FAM168A: variants seen among roughly 807,000 people sequenced by gnomAD.
FAM168A encodes the protein protein FAM168A.
Under a neutral mutation model 28.5 loss-of-function variants are expected in FAM168A, and 3 were observed. That is an observed-to-expected ratio of 0.11 (90% CI 0.05 to 0.27). The LOEUF (loss-of-function observed/expected upper bound fraction) is 0.27. Among genes scored for constraint, FAM168A ranks in the 10% least tolerant of loss-of-function variants. FAM168A has a pLI of 1.00. For missense variants in FAM168A, 222 were observed against 311.5 expected (o/e 0.71, Z 2.16); for synonymous variants, 122 against 124.2 (o/e 0.98, Z 0.12).
chr11:73,594,450 C>T (rs1944420343), intron 1 of FAM168A, among the ~76,000 whole-genome samples: 1 of 151,744 alleles, frequency 6.6e-6, no homozygotes, highest in Non-Finnish European at 1.5e-5. Context: ...ACCTTTTTAA[C>T]CAAAGTTAAG....
Position 73,537,062 on chromosome 11 carries a change from A to G in FAM168A, c.-19+60861T>C, listed in dbSNP as rs1943591637. 2.0e-5 allele frequency among the ~76,000 whole-genome samples: 3 copies of G among 152,190 alleles called. No homozygotes were observed. In the South Asian group the frequency reaches 6.2e-4, roughly 32 times the overall value. On this transcript the variant is annotated intron_variant, in intron 1 of 7. Coordinates refer to ENST00000356467, the MANE Select transcript of FAM168A (RefSeq NM_015159.3). Reference sequence around the variant, plus strand: ...AGTCAGGGAGAACTTCACACAAAACATGGTGCTTGAGAAGAGTTTTAAAGA... The same window carrying G: ...AGTCAGGGAGAACTTCACACAAAACGTGGTGCTTGAGAAGAGTTTTAAAGA...
intron 3 of FAM168A, among the ~76,000 whole-genome samples, chr11:73,427,279 C>G (rs576361641): frequency 1.8e-4 from 27 of 151,660 alleles, no homozygotes; most frequent in Admixed American, 1.4e-3. Flanking sequence ...GTGTGAGCCA[C>G]TGCGCCCAGC....
chr11:73,411,557 A>G, intron 4 of FAM168A, 21 bp from the exon 5 acceptor site: 1 of 1,613,786 alleles, frequency 6.2e-7, no homozygotes, highest in Non-Finnish European at 8.5e-7. Flanking sequence ...GCAATAAGAG[A>G]GACTTCCAGT....
chr11:73,447,041 A>G (rs1471720837), intron 2 of FAM168A, among the ~76,000 whole-genome samples: 2 of 152,174 alleles, frequency 1.3e-5, no homozygotes, highest in Non-Finnish European at 2.9e-5. Context: ...CTTCAACAAC[A>G]ACATACAGCT....
At chr11:73,444,294 T>C (rs1867259552) in intron 2 of FAM168A, among the ~76,000 whole-genome samples, 1 of 152,246 alleles carries the variant, frequency 6.6e-6, no homozygotes, top group South Asian at 2.1e-4. Context: ...TTGGAAACAA[T>C]TGTGTTTGCC....
intron 1 of FAM168A, among the ~76,000 whole-genome samples, chr11:73,587,812 C>T (rs1944333922): frequency 6.6e-6 from 1 of 152,026 alleles, no homozygotes; most frequent in Admixed American, 6.5e-5. Context: ...GGCAGTGGCG[C>T]AATCTCGGAT....
chr11:73,566,758 T>A (rs976663958), intron 1 of FAM168A, among the ~76,000 whole-genome samples: 3 of 152,218 alleles, frequency 2.0e-5, no homozygotes, highest in South Asian at 2.1e-4. Context: ...ATGCTAATGA[T>A]AAAAAGCAAG....
intron 2 of FAM168A, among the ~76,000 whole-genome samples, chr11:73,435,682 T>G (rs1222119735): frequency 6.6e-6 from 1 of 152,186 alleles, no homozygotes; most frequent in East Asian, 1.9e-4. Flanking sequence ...GTATGGTGGC[T>G]CACACCTGTA....
At chr11:73,556,265 C>A (rs540023779) in intron 1 of FAM168A, among the ~76,000 whole-genome samples, 1 of 151,786 alleles carries the variant, frequency 6.6e-6, no homozygotes, top group South Asian at 2.1e-4. Context: ...AAGAGGATGG[C>A]TTGTGCCTAA....
rs190349104 is a variant in FAM168A, at chr11:73,533,391, T to G, written c.-19+64532A>C. On this transcript the variant is annotated intron_variant, in intron 1 of 7. Coordinates refer to ENST00000356467, the MANE Select transcript of FAM168A (RefSeq NM_015159.3). Reference sequence around the variant, plus strand: ...GGTCTCTCTAAAGCCAAAATAACTGTCTTTAATTCTTCACACTTTACTACT... The same window carrying G: ...GGTCTCTCTAAAGCCAAAATAACTGGCTTTAATTCTTCACACTTTACTACT... Among the ~76,000 whole-genome samples, 18 of 152,284 alleles carry G rather than the reference T, an allele frequency of 1.2e-4. No individual in the cohort carries two copies. The East Asian group carries it at 3.5e-3, about 29-fold the overall frequency.
At position 73,411,041 on chromosome 11, in the gene FAM168A, A is replaced by T. The variant is rs149122310; in HGVS notation, c.420+353T>A. Among the ~76,000 whole-genome samples, 552 of 152,348 alleles carry T rather than the reference A, an allele frequency of 3.6e-3. 5 individuals are homozygous for T. Among genetic ancestry groups the T allele is most frequent in the Middle Eastern group, 0.024 (7 of 294 alleles). On this transcript the variant is annotated intron_variant, in intron 5 of 7. Coordinates refer to ENST00000356467, the MANE Select transcript of FAM168A (RefSeq NM_015159.3). ...ACTAAGACGTTGGGGTCTCACCTTG[A>T]CCAACCAATAGCTCGTGGTGTAACC...
intron 1 of FAM168A, among the ~76,000 whole-genome samples, chr11:73,474,113 T>C (rs979035645): frequency 6.6e-6 from 1 of 152,074 alleles, no homozygotes; most frequent in Non-Finnish European, 1.5e-5. Flanking sequence ...CCCGGCTTAC[T>C]CTTCTTATTG....
intron 4 of FAM168A, among the ~76,000 whole-genome samples, chr11:73,415,248 C>G (rs1866677098): frequency 6.6e-6 from 1 of 152,160 alleles, no homozygotes; most frequent in Non-Finnish European, 1.5e-5. Flanking sequence ...TCCAGACAGT[C>G]TGAGATAGAA....
At chr11:73,483,249 A>G (rs756272993) in intron 1 of FAM168A, among the ~76,000 whole-genome samples, 1 of 152,204 alleles carries the variant, frequency 6.6e-6, no homozygotes, top group Non-Finnish European at 1.5e-5. Flanking sequence ...CATCACATGC[A>G]ACTGTCAACA....
rs79206320 is a variant in FAM168A, at chr11:73,444,779, G to A, written c.71-14009C>T. Among the ~76,000 whole-genome samples, 243 of 152,298 alleles carry A rather than the reference G, an allele frequency of 1.6e-3. 2 individuals are homozygous for A. Among genetic ancestry groups the A allele is most frequent in the African/African-American group, 5.6e-3 (231 of 41,562 alleles). ...GTAAATTAAGGTGAGTTATACAACAGTACATAGCATATACTCTCATTTTTG... is the reference window on the plus strand; with the variant it reads ...GTAAATTAAGGTGAGTTATACAACAATACATAGCATATACTCTCATTTTTG... On this transcript the variant is annotated intron_variant, in intron 2 of 7. Transcript: ENST00000356467.
At chr11:73,583,203 T>G (rs1944270549) in intron 1 of FAM168A, among the ~76,000 whole-genome samples, 1 of 152,078 alleles carries the variant, frequency 6.6e-6, no homozygotes, top group African/African-American at 2.4e-5. Context: ...CTCGGGAGGC[T>G]GAGGCAGGAG....
intron 4 of FAM168A, among the ~76,000 whole-genome samples, chr11:73,415,500 C>G (rs1866681044): frequency 6.6e-6 from 1 of 152,196 alleles, no homozygotes; most frequent in Non-Finnish European, 1.5e-5. Context: ...CAATTCCTCT[C>G]AGGGAATATC....
chr11:73,585,060 T>C (rs941514441), intron 1 of FAM168A, among the ~76,000 whole-genome samples: 1 of 151,946 alleles, frequency 6.6e-6, no homozygotes, highest in Admixed American at 6.6e-5. Context: ...AGCCAAAGTT[T>C]GATCTCTGTT....
At chr11:73,521,547 G>A (rs544711557) in intron 1 of FAM168A, among the ~76,000 whole-genome samples, 29 of 152,304 alleles carry the variant, frequency 1.9e-4, no homozygotes, top group South Asian at 1.7e-3. Context: ...TGGAGATGGA[G>A]AGGTAGGGGA....
Sources: allele counts gnomAD v4.1 joint callset (sites outside exome capture counted in the v4.1 genomes callset), GRCh38; gene constraint gnomAD v4.1.1; transcripts MANE v1.5; gene names NCBI Gene and HGNC (gene_info 2026-07-23, HGNC 2026-07-21).